The following CUX1 variants were observed in gnomAD, a reference collection of about 807,000 sequenced individuals.
The protein encoded by CUX1 is cut like homeobox 1, also known as protein CASP.
CUX1 carries 31 observed loss-of-function variants against 158.8 expected under a neutral mutation model. That is an observed-to-expected ratio of 0.20 (90% CI 0.15 to 0.26). The LOEUF (loss-of-function observed/expected upper bound fraction) is 0.26, where lower values mean the gene tolerates loss of function less well. Among genes scored for constraint, CUX1 ranks in the 10% least tolerant of loss-of-function variants. CUX1 has a pLI of 1.00. For missense variants in CUX1, 1,589 were observed against 2,014.6 expected, an observed-to-expected ratio of 0.79 and a Z score of 4.04; for synonymous variants, 879 against 862.1, an observed-to-expected ratio of 1.02 and a Z score of -0.34.
Position 102,168,334 on chromosome 7 carries a change from G to A in CUX1, c.724-2112G>A, listed in dbSNP as rs143732278. On this transcript the variant is annotated intron_variant, in intron 9 of 23. Coordinates refer to ENST00000292535, the MANE Select transcript of CUX1 (RefSeq NM_181552.4). ...GGCGGCCACCAGCACCGCCCTGGGC[G>A]GACGGAACTGCCATTAGAAATATCC... is the stretch of plus-strand genomic sequence containing the variant. Among the ~76,000 whole-genome samples the A allele has an allele frequency of 9.1e-3, 1,381 of 152,208 alleles. 12 individuals are homozygous for A. Among genetic ancestry groups the A allele is most frequent in the Non-Finnish European group, 0.014 (985 of 68,000 alleles).
chr7:102,095,381 A>G (rs782195798), intron 4 of CUX1, among the ~76,000 whole-genome samples: 1 of 152,160 alleles, frequency 6.6e-6, no homozygotes, highest in Non-Finnish European at 1.5e-5. Context: ...ATGAAAAGCC[A>G]TGCACCAGAA....
intron 13 of CUX1, among the ~76,000 whole-genome samples, chr7:102,194,685 G>C (rs1470168147): frequency 6.6e-6 from 1 of 151,916 alleles, no homozygotes; most frequent in Non-Finnish European, 1.5e-5. Flanking sequence ...GAAGGTACAA[G>C]GGAAGGATGA....
At chr7:101,849,912 ATTTTTTTTT>A (rs71106570) in intron 1 of CUX1, among the ~76,000 whole-genome samples, 36 of 124,304 alleles carry the variant, frequency 2.9e-4, no homozygotes, top group African/African-American at 1.1e-3. Context: ...GTCTCATGCA[ATTTTTTTTT>A]TTTTTTTTTT....
intron 2 of CUX1, among the ~76,000 whole-genome samples, chr7:101,936,971 G>A (rs144393955): frequency 6.6e-6 from 1 of 152,312 alleles, no homozygotes; most frequent in Non-Finnish European, 1.5e-5. Context: ...CCTAGACTTA[G>A]TGAGACACAG....
chr7:102,093,904 A>G (rs1186172677), intron 4 of CUX1, among the ~76,000 whole-genome samples: 2 of 152,128 alleles, frequency 1.3e-5, no homozygotes, highest in Non-Finnish European at 2.9e-5. Flanking sequence ...TGTTTTATAT[A>G]TGGGTGTGTC....
intron 22 of CUX1, among the ~76,000 whole-genome samples, chr7:102,235,049 G>A (rs1206439372): frequency 5.9e-5 from 9 of 152,306 alleles, no homozygotes; most frequent in Admixed American, 5.2e-4. Context: ...CTCTCTTGCT[G>A]TTATTTCCCA....
chr7:102,107,794 G>T (rs879959283), intron 6 of CUX1, among the ~76,000 whole-genome samples: 2 of 152,210 alleles, frequency 1.3e-5, no homozygotes, highest in Non-Finnish European at 2.9e-5. Context: ...GCCCATCTCT[G>T]CAGCCCTTGC....
intron 1 of CUX1, among the ~76,000 whole-genome samples, chr7:101,854,140 G>A (rs1370197499): frequency 1.3e-5 from 2 of 152,178 alleles, no homozygotes; most frequent in Non-Finnish European, 2.9e-5. Flanking sequence ...AAAGCAAACA[G>A]GATCGTCTGC....
intron 2 of CUX1, among the ~76,000 whole-genome samples, chr7:101,942,875 C>T (rs118105788): frequency 3.9e-4 from 60 of 152,314 alleles, no homozygotes; most frequent in Non-Finnish European, 6.2e-4. Context: ...TCGCTGCACA[C>T]GGACCTGGGC....
intron 2 of CUX1, among the ~76,000 whole-genome samples, chr7:101,948,038 G>C (rs945240434): frequency 6.6e-6 from 1 of 152,164 alleles, no homozygotes; most frequent in Admixed American, 6.6e-5. Context: ...CGTCACTGCC[G>C]AGTTCCCTGC....
chr7:102,283,111 G>T lies in CUX1; in HGVS notation c.*21G>T, dbSNP rs1554549911. ...AGTGATACCCCGGGGCCTCCCCCGT[G>T]ACAGTGACGGCTGCGCCTCCACCCC... On this transcript the variant is annotated 3_prime_UTR_variant, in exon 23 of 23. Transcript: ENST00000292538. 2.5e-6 allele frequency: 4 copies of T among 1,604,136 alleles called. No individual in the cohort carries two copies. The Admixed American group carries it at 6.7e-5, about 27-fold the overall frequency.
intron 2 of CUX1, among the ~76,000 whole-genome samples, chr7:101,931,258 A>G (rs1806258656): frequency 6.6e-6 from 1 of 152,130 alleles, no homozygotes; most frequent in Admixed American, 6.6e-5. Flanking sequence ...CCTACCCAGA[A>G]TTCATTCATG....
At chr7:101,853,525 C>T (rs919428607) in intron 1 of CUX1, among the ~76,000 whole-genome samples, 3 of 151,736 alleles carry the variant, frequency 2.0e-5, no homozygotes, top group African/African-American at 4.9e-5. Context: ...TAGAGGTTTC[C>T]TCAAATGCCT....
At chr7:101,846,644 C>T (rs550267342) in intron 1 of CUX1, among the ~76,000 whole-genome samples, 45 of 152,240 alleles carry the variant, frequency 3.0e-4, no homozygotes, top group Non-Finnish European at 5.0e-4. Context: ...CTTTCTTACA[C>T]GTAGTTCTGA....
chr7:102,113,231 T>C, intron 7 of CUX1, among the ~76,000 whole-genome samples: 1 of 152,128 alleles, frequency 6.6e-6, no homozygotes, highest in South Asian at 2.1e-4. Context: ...TGACAGCATT[T>C]TTTAATTATT....
At chr7:102,080,839 A>C (rs746265727) in intron 4 of CUX1, among the ~76,000 whole-genome samples, 1 of 152,202 alleles carries the variant, frequency 6.6e-6, no homozygotes, top group Non-Finnish European at 1.5e-5. Flanking sequence ...ACTCAAAGCA[A>C]AATGTTTGCA....
intron 20 of CUX1, among the ~76,000 whole-genome samples, chr7:102,217,355 C>T (rs1346891402): frequency 6.6e-6 from 1 of 152,278 alleles, no homozygotes; most frequent in Non-Finnish European, 1.5e-5. Flanking sequence ...ACTTTCCACT[C>T]CGAATCCCCG....
chr7:101,991,885 G>A (rs1006831183), intron 2 of CUX1, among the ~76,000 whole-genome samples: 1 of 151,990 alleles, frequency 6.6e-6, no homozygotes, highest in African/African-American at 2.4e-5. Flanking sequence ...AACATAGCAA[G>A]ACCTCATCTC....
At chr7:102,037,004 A>G (rs1821511603) in intron 3 of CUX1, among the ~76,000 whole-genome samples, 1 of 152,196 alleles carries the variant, frequency 6.6e-6, no homozygotes, top group African/African-American at 2.4e-5. Flanking sequence ...TAACCTGGGC[A>G]ACATGGTGAA....
Sources: gnomAD v4.1 joint callset for allele counts (sites outside exome capture counted in the v4.1 genomes callset) on GRCh38, gnomAD v4.1.1 for gene constraint, MANE v1.5 for transcripts, NCBI Gene and HGNC (gene_info 2026-07-23, HGNC 2026-07-21) for gene names.